Variants in CLSTN2 observed in about 807,000 individuals in gnomAD.
CLSTN2 encodes the protein calsyntenin 2.
A neutral mutation model predicts 101.2 loss-of-function variants in CLSTN2; 48 were observed. The ratio of observed to expected loss-of-function variants is 0.47; its 90% CI spans 0.38 to 0.60. The LOEUF is 0.60. Ranked by LOEUF, CLSTN2 falls within the 20% of genes least tolerant of loss-of-function variation. CLSTN2 has a pLI of 0.00. For missense variants in CLSTN2, 1,160 were observed against 1,238.2 expected, an observed-to-expected ratio of 0.94 and a Z score of 0.95; for synonymous variants, 481 against 463.6, an observed-to-expected ratio of 1.04 and a Z score of -0.48.
At chr3:140,463,127 G>C (rs960619297) in intron 7 of CLSTN2, among the ~76,000 whole-genome samples, 1 of 152,140 alleles carries the variant, frequency 6.6e-6, no homozygotes. Flanking sequence ...CCCATGAACA[G>C]TGCACTTTCC....
intron 9 of CLSTN2, among the ~76,000 whole-genome samples, chr3:140,545,182 C>T (rs1177750155): frequency 6.6e-6 from 1 of 152,236 alleles, no homozygotes; most frequent in African/African-American, 2.4e-5. Context: ...GAGGTCTAGA[C>T]TTTGTTGGCA....
In CLSTN2 at chr3:140,576,938, G is replaced by T. The variant is rs1985748498; in HGVS notation, c.*10685G>T. On this transcript the variant is annotated 3_prime_UTR_variant, in exon 17 of 17. Coordinates refer to ENST00000458420, the MANE Select transcript of CLSTN2 (RefSeq NM_022131.3). The stretch of plus-strand genomic sequence containing the variant: ...GGACTGTATGAATTTATAGAAAATT[G>T]AATCTAATTTCAGAAGAGCGCACTG... The T allele has an allele frequency of 6.6e-6, 1 of 152,204 alleles. No individual in the cohort carries two copies. Among genetic ancestry groups the T allele is most frequent in the Non-Finnish European group, 1.5e-5 (1 of 68,032 alleles). The allele number at this position is 152,204 out of a possible 1,614,324, so 9.4% of individuals were successfully genotyped here.
intron 4 of CLSTN2, among the ~76,000 whole-genome samples, chr3:140,410,278 G>A (rs977478158): frequency 1.2e-4 from 18 of 151,514 alleles, no homozygotes; most frequent in African/African-American, 1.7e-4. Flanking sequence ...AAGACACAGC[G>A]AATTTTGAAA....
Position 140,320,549 on chromosome 3 carries a change from C to A in CLSTN2, c.233-83080C>A, listed in dbSNP as rs147102991. Among the ~76,000 whole-genome samples the A allele has an allele frequency of 2.8e-3, 427 of 150,940 alleles. 7 individuals are homozygous for A. The highest frequency in any genetic ancestry group is 0.01 in the African/African-American group (410 of 40,970). On this transcript the variant is annotated intron_variant, in intron 2 of 16. Transcript: ENST00000458420. ...GGGGCTGCTGACAGTAGGGTGACAC[C>A]GAGCAGGCCTGACCTGCAGCCATGT... is the stretch of plus-strand genomic sequence containing the variant.
At chr3:140,390,157 G>T (rs2107970041) in intron 2 of CLSTN2, among the ~76,000 whole-genome samples, 1 of 147,016 alleles carries the variant, frequency 6.8e-6, no homozygotes, top group South Asian at 2.1e-4. Flanking sequence ...AATAAGTTTT[G>T]TGTTTACTTA....
At chr3:139,957,353 T>C (rs1229841182) in intron 1 of CLSTN2, among the ~76,000 whole-genome samples, 12 of 152,184 alleles carry the variant, frequency 7.9e-5, no homozygotes, top group Admixed American at 7.9e-4. Flanking sequence ...AGATCCCAAC[T>C]GGTGCAGAGA....
intron 1 of CLSTN2, among the ~76,000 whole-genome samples, chr3:140,147,748 T>C (rs1470661197): frequency 6.6e-6 from 1 of 152,192 alleles, no homozygotes; most frequent in Non-Finnish European, 1.5e-5. Context: ...CAGGGAGCTC[T>C]AGTTTTTCAT....
chr3:140,129,361 G>T (rs963217742), intron 1 of CLSTN2, among the ~76,000 whole-genome samples: 3 of 152,088 alleles, frequency 2.0e-5, no homozygotes, highest in Non-Finnish European at 4.4e-5. Flanking sequence ...AAAATTACTA[G>T]CAAGGACTCT....
chr3:140,191,082 A>G (rs566419476), intron 2 of CLSTN2, among the ~76,000 whole-genome samples: 6 of 152,188 alleles, frequency 3.9e-5, no homozygotes, highest in African/African-American at 1.4e-4. Flanking sequence ...AAGTTGAGGC[A>G]GTTCTTTATT....
chr3:140,449,796 A>G (rs1009151077), intron 6 of CLSTN2: 1 of 152,242 alleles, frequency 6.6e-6, no homozygotes, highest in Admixed American at 6.5e-5. Flanking sequence ...AAAGATAAGC[A>G]AAGTTAGGAC....
chr3:140,240,364 C>A (rs1030531752), intron 2 of CLSTN2, among the ~76,000 whole-genome samples: 3 of 55,966 alleles, frequency 5.4e-5, no homozygotes, highest in Non-Finnish European at 1.1e-4. Flanking sequence ...TAGTACTGAG[C>A]TAGTTACATG....
intron 2 of CLSTN2, among the ~76,000 whole-genome samples, chr3:140,383,805 C>A (rs984946490): frequency 2.0e-5 from 3 of 152,164 alleles, no homozygotes; most frequent in Non-Finnish European, 4.4e-5. Context: ...TGAGATGGAC[C>A]GTGTGGCTAT....
chr3:139,977,260 A>G (rs528915127), intron 1 of CLSTN2, among the ~76,000 whole-genome samples: 1 of 152,264 alleles, frequency 6.6e-6, no homozygotes, highest in South Asian at 2.1e-4. Flanking sequence ...AGCAGGCTGC[A>G]GGTTCGTACA....
At chr3:139,961,220 G>A (rs563397021) in intron 1 of CLSTN2, among the ~76,000 whole-genome samples, 10 of 152,242 alleles carry the variant, frequency 6.6e-5, no homozygotes, top group Admixed American at 3.3e-4. Context: ...AAACGGGTCC[G>A]AAGTATCACA....
rs1037079514 is a variant in CLSTN2, at chr3:140,332,953, T to C, written c.233-70676T>C. ...CTGTATTCAAAGCCAGGTTTAGGCT[T>C]AGGCAAGTTTTCAAATTACTCTGAA... On this transcript the variant is annotated intron_variant, in intron 2 of 16. Transcript: ENST00000458420. Among the ~76,000 whole-genome samples the C allele has an allele frequency of 2.0e-5, 3 of 152,158 alleles. 1 individual carries two copies. Among genetic ancestry groups the C allele is most frequent in the Non-Finnish European group, 4.4e-5 (3 of 68,024 alleles).
At chr3:140,262,349 G>C (rs2086660689) in intron 2 of CLSTN2, among the ~76,000 whole-genome samples, 1 of 152,194 alleles carries the variant, frequency 6.6e-6, no homozygotes, top group African/African-American at 2.4e-5. Flanking sequence ...GGCTTTCCCA[G>C]CATGTTCAAC....
chr3:139,967,987 C>CTGTGTGTG (rs34743059), intron 1 of CLSTN2, among the ~76,000 whole-genome samples: 2 of 150,516 alleles, frequency 1.3e-5, no homozygotes, highest in East Asian at 3.9e-4. Flanking sequence ...ATATGTGTGT[C>CTGTGTGTG]TGTGTGTGTG....
chr3:140,495,134 G>A (rs1934438268), intron 8 of CLSTN2, among the ~76,000 whole-genome samples: 1 of 151,964 alleles, frequency 6.6e-6, no homozygotes, highest in South Asian at 2.1e-4. Context: ...TGGTGTTTCT[G>A]GACTTCTTAT....
chr3:140,366,621 A>G (rs1576534731), intron 2 of CLSTN2, among the ~76,000 whole-genome samples: 1 of 151,496 alleles, frequency 6.6e-6, no homozygotes, highest in Non-Finnish European at 1.5e-5. Flanking sequence ...CTGGGCCTTC[A>G]CCTCACTTCA....
Sources: gnomAD v4.1 joint callset for allele counts (sites outside exome capture counted in the v4.1 genomes callset) on GRCh38, gnomAD v4.1.1 for gene constraint, MANE v1.5 for transcripts, NCBI Gene and HGNC (gene_info 2026-07-23, HGNC 2026-07-21) for gene names.